The following CELF6 variants were observed in gnomAD, a reference collection of about 807,000 sequenced individuals.
CELF6 encodes the protein CUGBP Elav-like family member 6, also known as Bruno -like 6, RNA binding protein.
CELF6 carries 32 observed loss-of-function variants against 53.1 expected under a neutral mutation model. The ratio of observed to expected loss-of-function variants is 0.60; its 90% CI spans 0.46 to 0.81. The LOEUF is 0.81. CELF6 is among the 30% of genes least tolerant of loss of function. The pLI, the probability that CELF6 is intolerant of heterozygous loss-of-function variation, is 0.00. For missense variants in CELF6, 539 were observed against 669.5 expected, an observed-to-expected ratio of 0.81 and a Z score of 2.15; for synonymous variants, 291 against 288.8, an observed-to-expected ratio of 1.01 and a Z score of -0.08.
chr15:72,292,884 AGGCGTGGT>A (rs1410878999), intron 3 of CELF6, among the ~76,000 whole-genome samples: 1 of 152,196 alleles, frequency 6.6e-6, no homozygotes, highest in Admixed American at 6.5e-5. Context: ...AAAAATAGCC[AGGCGTGGT>A]GGCACATGCC....
chr15:72,319,789 A>C lies in CELF6; in HGVS notation c.86T>G (p.Met29Arg). ...GGCGGGACCGGGGTTTAGCCCGCTCATGCCGACGCCGCTGTCCGCGGTGCT... is the reference window on the plus strand; with the variant it reads ...GGCGGGACCGGGGTTTAGCCCGCTCCTGCCGACGCCGCTGTCCGCGGTGCT... The part of the protein sequence containing the change: ...GFSTADSGVG[M>R]SGLNPGPAVP... The change falls in exon 1 of 13, where the codon ATG becomes AGG. Residue 29 changes from methionine to arginine, a missense_variant. Physicochemically the swap from Met to Arg is moderately conservative, Grantham distance 91. Around this residue, in one of 3 missense-constraint regions of CELF6, gnomAD observed 84 missense variants for 87.9 expected, o/e 0.96. Coordinates refer to ENST00000287202, the MANE Select transcript of CELF6 (RefSeq NM_052840.5). The surrounding 1 kb of genome is among the most constrained non-coding windows in gnomAD (Gnocchi z 5.0). 1.3e-6 allele frequency: 2 copies of C among 1,566,744 alleles called. No individual in the cohort carries two copies. The highest frequency in any genetic ancestry group is 2.4e-5 in the East Asian group (1 of 42,044).
rs764015623 is a variant in CELF6, at chr15:72,288,435, G to A, written c.1191C>T (p.Asn397=). 1.2e-6 allele frequency: 2 copies of A among 1,614,192 alleles called. No homozygotes were observed. Among genetic ancestry groups the A allele is most frequent in the South Asian group, 2.2e-5 (2 of 91,086 alleles). ...CCTGAGGCAGGTGATAGATGAAGAG[G>A]TTACAGCCTTCGGGGCCTGGAGGAA... ...QQQREGPEGC[N]LFIYHLPQEF... Residue 397 remains asparagine (N), a synonymous_variant, in exon 11 of 13, where the codon AAC becomes AAT. Transcript: ENST00000287202. The surrounding 1 kb of genome is among the most constrained non-coding windows in gnomAD (Gnocchi z 4.6).
Position 72,289,121 on chromosome 15 carries a change from CG to C in CELF6, c.1030+16del, listed in dbSNP as rs1204312334. 3.3e-6 allele frequency: 5 copies of C among 1,504,274 alleles called. No individual in the cohort carries two copies. Among genetic ancestry groups the C allele is most frequent in the African/African-American group, 1.4e-5 (1 of 71,596 alleles). 93.2% of individuals were successfully genotyped at this position (1,504,274 alleles called of 1,614,324 possible). A position where few individuals can be genotyped will look rare whatever the true frequency, so the allele number is the denominator to read the frequency against. ...CCACTCCATTTCGGGGGGATTTGGG[CG>C]GAGCGGGGGGCCCACCTGGATAAGG... On this transcript the variant is annotated intron_variant, in intron 8 of 12. Transcript: ENST00000287202. This position sits in a 1 kb window ranked among gnomAD's most constrained non-coding sequence, Gnocchi z 7.6.
chr15:72,301,034 A>G (rs543402146), intron 3 of CELF6, among the ~76,000 whole-genome samples: 15 of 151,870 alleles, frequency 9.9e-5, no homozygotes, highest in African/African-American at 3.6e-4. Flanking sequence ...CCTAGGCTGG[A>G]GTGCAGTAGC....
chr15:72,293,481 G>T (rs2088033527), intron 3 of CELF6, among the ~76,000 whole-genome samples: 1 of 152,182 alleles, frequency 6.6e-6, no homozygotes, highest in South Asian at 2.1e-4. Flanking sequence ...AGGCAAGTCA[G>T]AAATGTCTGA....
Position 72,290,113 on chromosome 15 carries a change from T to A in CELF6, c.523+14A>T. 1.9e-6 allele frequency: 3 copies of A among 1,612,764 alleles called. No individual in the cohort carries two copies. On this transcript the variant is annotated intron_variant, in intron 4 of 12. Coordinates refer to ENST00000287202, the MANE Select transcript of CELF6 (RefSeq NM_052840.5). ...GAAGGGTCACCAGGAAATCCCGGGG[T>A]CAGCTCAGGTCACCTTTACTGGTGC...
At chr15:72,304,278 C>T (rs1033622468) in intron 3 of CELF6, among the ~76,000 whole-genome samples, 4 of 152,154 alleles carry the variant, frequency 2.6e-5, no homozygotes, top group African/African-American at 9.7e-5. Flanking sequence ...CCCATAAAGT[C>T]TGTCGTACCA....
At chr15:72,313,819 C>CTATT (rs71133975) in intron 2 of CELF6, 14,151 of 788,500 alleles carry the variant, frequency 0.018, 309 homozygotes, top group African/African-American at 0.074. Flanking sequence ...GCTGCTGTTA[C>CTATT]TATTACTGTT....
intron 3 of CELF6, among the ~76,000 whole-genome samples, chr15:72,300,552 G>A (rs965403904): frequency 6.6e-6 from 1 of 152,148 alleles, no homozygotes; most frequent in Non-Finnish European, 1.5e-5. Context: ...AAAAAAGCTA[G>A]GTTGGGCGTG....
At chr15:72,309,838 C>G (rs938987463) in intron 2 of CELF6, among the ~76,000 whole-genome samples, 2 of 152,174 alleles carry the variant, frequency 1.3e-5, no homozygotes, top group Non-Finnish European at 2.9e-5. Context: ...TGAGCTCTTG[C>G]CCTGGCTGAG....
intron 3 of CELF6, among the ~76,000 whole-genome samples, chr15:72,297,465 AT>A (rs2088095769): frequency 6.6e-6 from 1 of 152,252 alleles, no homozygotes; most frequent in Non-Finnish European, 1.5e-5. Flanking sequence ...TCATAACAAC[AT>A]TAGTTACAAT....
chr15:72,314,874 C>T (rs751823724), intron 2 of CELF6, among the ~76,000 whole-genome samples: 3 of 152,124 alleles, frequency 2.0e-5, no homozygotes, highest in Non-Finnish European at 1.5e-5. Context: ...GGATTACAGG[C>T]GTGAGCCACC....
intron 2 of CELF6, among the ~76,000 whole-genome samples, chr15:72,314,128 G>T (rs1318058786): frequency 6.6e-6 from 1 of 152,178 alleles, no homozygotes; most frequent in African/African-American, 2.4e-5. Context: ...CAAAAGTGAG[G>T]CTAAAGGTGC....
chr15:72,305,354 G>A (rs1030911905), intron 2 of CELF6, among the ~76,000 whole-genome samples: 1 of 152,058 alleles, frequency 6.6e-6, no homozygotes, highest in Non-Finnish European at 1.5e-5. Context: ...TTACAGGCAC[G>A]TGCCACCAGG....
chr15:72,313,150 G>A (rs994355464), intron 2 of CELF6, among the ~76,000 whole-genome samples: 1 of 152,184 alleles, frequency 6.6e-6, no homozygotes, highest in African/African-American at 2.4e-5. Flanking sequence ...GTTGTCTCAG[G>A]TCACAGTACA....
Position 72,289,479 on chromosome 15 carries a change from G to T in CELF6, c.776C>A (p.Ala259Glu), listed in dbSNP as rs1387141927. The change falls in exon 7 of 13, where the codon GCG (alanine) becomes GAG (glutamate). Residue 259 changes from alanine (A) to glutamate (E), a missense_variant. Coordinates refer to ENST00000287202, the MANE Select transcript of CELF6 (RefSeq NM_052840.5). This position sits in a 1 kb window ranked among gnomAD's most constrained non-coding sequence, Gnocchi z 7.6. ...GCCTAGGCCTGGGCCCTGTGCCGCC[G>T]CCAGCAGGGCCGCCTGGTGCTGCAG... ...AILQHQAALL[A>E]AAQGPGLGPV... The T allele has an allele frequency of 1.3e-6, 2 of 1,528,304 alleles. No homozygotes were observed. Among genetic ancestry groups the T allele is most frequent in the Non-Finnish European group, 8.7e-7 (1 of 1,143,292 alleles). 94.7% of individuals were successfully genotyped at this position (1,528,304 alleles called of 1,614,324 possible). A position where few individuals can be genotyped will look rare whatever the true frequency, so the allele number is the denominator to read the frequency against.
chr15:72,292,776 C>T (rs1039256797), intron 3 of CELF6, among the ~76,000 whole-genome samples: 1 of 152,196 alleles, frequency 6.6e-6, no homozygotes, highest in Non-Finnish European at 1.5e-5. Flanking sequence ...GCCTATAATC[C>T]CAGTGCTTTG....
intron 2 of CELF6, among the ~76,000 whole-genome samples, chr15:72,309,713 T>C (rs1448498534): frequency 6.6e-6 from 1 of 152,170 alleles, no homozygotes; most frequent in East Asian, 1.9e-4. Flanking sequence ...ATCTTGTTCC[T>C]GCCATGGGCA....
Position 72,304,744 on chromosome 15 carries a change from A to C in CELF6, c.394+2T>G. The C allele has an allele frequency of 6.2e-7, 1 of 1,613,888 alleles. No homozygotes were observed. The highest frequency in any genetic ancestry group is 8.5e-7 in the Non-Finnish European group (1 of 1,179,910). ...CTGAGGTTGGTCAGACAGGGAAGTT[A>C]CCTCCTCGGCCCTCACTGGCAGCTG... On this transcript the variant is annotated splice_donor_variant, in intron 3 of 12. Coordinates refer to ENST00000287202, the MANE Select transcript of CELF6 (RefSeq NM_052840.5). LOFTEE classifies it high-confidence loss of function.
Sources: allele counts gnomAD v4.1 joint callset (sites outside exome capture counted in the v4.1 genomes callset), GRCh38; gene constraint gnomAD v4.1.1; regional missense constraint gnomAD v4.1.1; non-coding constraint Gnocchi (gnomAD v3.1); transcripts MANE v1.5; gene names NCBI Gene and HGNC (gene_info 2026-07-23, HGNC 2026-07-21).